PRKN: variants seen among roughly 807,000 people sequenced by gnomAD.
PRKN encodes the protein parkin RBR E3 ubiquitin protein ligase, also known as E3 ubiquitin-protein ligase parkin.
A neutral mutation model predicts 59.5 loss-of-function variants in PRKN; 56 were observed. That is an observed-to-expected ratio of 0.94 (90% CI 0.76 to 1.18). The LOEUF is 1.18. Among genes scored for constraint, PRKN ranks in the 50% most tolerant of loss-of-function variants. The pLI is 0.00. For synonymous variants in PRKN, 250 were observed against 222.1 expected, an observed-to-expected ratio of 1.13 and a Z score of -1.12; for missense variants, 657 against 596.4, an observed-to-expected ratio of 1.10 and a Z score of -1.06.
chr6:162,360,397 T>A (rs566040456), intron 2 of PRKN, among the ~76,000 whole-genome samples: 2 of 152,302 alleles, frequency 1.3e-5, no homozygotes, highest in South Asian at 2.1e-4. Context: ...TCAGTTTCCT[T>A]TTAAAATAAG....
At chr6:162,644,527 A>C (rs80180366) in intron 1 of PRKN, among the ~76,000 whole-genome samples, 12,266 of 152,168 alleles carry the variant, frequency 0.081, 674 homozygotes, top group East Asian at 0.3. Context: ...GCCTTTTCCC[A>C]AAGCCTTAAC....
intron 2 of PRKN, among the ~76,000 whole-genome samples, chr6:162,325,125 A>C (rs1368803664): frequency 2.4e-5 from 2 of 83,432 alleles, no homozygotes; most frequent in East Asian, 5.1e-4. Flanking sequence ...AAATGTTTTC[A>C]ACAACTTTAT....
intron 1 of PRKN, among the ~76,000 whole-genome samples, chr6:162,536,583 C>A (rs1214324268): frequency 7.6e-6 from 1 of 131,478 alleles, no homozygotes; most frequent in Non-Finnish European, 1.7e-5. Flanking sequence ...ATCTCACCTA[C>A]CTACCTACTC....
At chr6:162,386,750 CAGAT>C (rs1786840272) in intron 2 of PRKN, among the ~76,000 whole-genome samples, 2 of 152,182 alleles carry the variant, frequency 1.3e-5, no homozygotes, top group Admixed American at 1.3e-4. Context: ...CAGATGAACA[CAGAT>C]GGAGAAAGAA....
At chr6:161,923,249 A>G (rs1778848261) in intron 6 of PRKN, among the ~76,000 whole-genome samples, 1 of 152,170 alleles carries the variant, frequency 6.6e-6, no homozygotes, top group Non-Finnish European at 1.5e-5. Flanking sequence ...TTGGGAGGCT[A>G]AGTGGGGCAG....
intron 9 of PRKN, among the ~76,000 whole-genome samples, chr6:161,532,369 G>A (rs1309502175): frequency 6.6e-6 from 1 of 151,912 alleles, no homozygotes; most frequent in African/African-American, 2.4e-5. Flanking sequence ...GATCTAGTTT[G>A]TGAAGCAGGA....
chr6:161,981,527 A>C (rs1193016503), intron 5 of PRKN, among the ~76,000 whole-genome samples: 1 of 152,118 alleles, frequency 6.6e-6, no homozygotes, highest in Non-Finnish European at 1.5e-5. Flanking sequence ...AAACAAACAG[A>C]AACTCCACAA....
intron 9 of PRKN, among the ~76,000 whole-genome samples, chr6:161,441,763 C>T (rs551407067): frequency 2.0e-5 from 3 of 152,296 alleles, no homozygotes; most frequent in South Asian, 4.1e-4. Context: ...GCCAAGGCAT[C>T]CCAGGGGCCT....
chr6:161,951,775 A>G (rs925840952), intron 6 of PRKN, among the ~76,000 whole-genome samples: 14 of 152,170 alleles, frequency 9.2e-5, no homozygotes, highest in Middle Eastern at 3.4e-3. Context: ...AAGTTACCTT[A>G]GCTAGGCATG....
chr6:161,797,182 G>A (rs895380452), intron 6 of PRKN, among the ~76,000 whole-genome samples: 1 of 152,082 alleles, frequency 6.6e-6, no homozygotes, highest in African/African-American at 2.4e-5. Flanking sequence ...TTGTGTACCG[G>A]TTTTTCATTC....
intron 1 of PRKN, among the ~76,000 whole-genome samples, chr6:162,629,831 T>C (rs1783037887): frequency 6.6e-6 from 1 of 152,208 alleles, no homozygotes; most frequent in Admixed American, 6.5e-5. Flanking sequence ...ATAATTATTA[T>C]GTTTTAAAAG....
At chr6:162,454,754 C>A (rs1028518036) in intron 1 of PRKN, among the ~76,000 whole-genome samples, 8 of 152,186 alleles carry the variant, frequency 5.3e-5, no homozygotes, top group Non-Finnish European at 1.2e-4. Context: ...CCTTCGAAAT[C>A]AACATTCTCC....
chr6:161,916,772 C>T (rs1299773572), intron 6 of PRKN, among the ~76,000 whole-genome samples: 4 of 152,094 alleles, frequency 2.6e-5, no homozygotes, highest in Admixed American at 2.0e-4. Context: ...ACATAGACGA[C>T]GTTAGTCTTT....
chr6:161,624,081 T>C (rs1426066800), intron 7 of PRKN, among the ~76,000 whole-genome samples: 1 of 152,214 alleles, frequency 6.6e-6, no homozygotes, highest in Non-Finnish European at 1.5e-5. Flanking sequence ...TTATACTCTT[T>C]CCTCTTGACA....
At chr6:162,125,167 C>T (rs573003115) in intron 4 of PRKN, among the ~76,000 whole-genome samples, 4 of 152,250 alleles carry the variant, frequency 2.6e-5, no homozygotes, top group African/African-American at 4.8e-5. Context: ...AACATAGAAA[C>T]GGGAAAAACG....
chr6:162,472,952 G>C (rs1791831839), intron 1 of PRKN, among the ~76,000 whole-genome samples: 1 of 151,622 alleles, frequency 6.6e-6, no homozygotes, highest in African/African-American at 2.4e-5. Context: ...TTTGGAATTT[G>C]GTGACTTGGC....
chr6:162,658,143 T>C (rs544799211), intron 1 of PRKN, among the ~76,000 whole-genome samples: 1 of 152,266 alleles, frequency 6.6e-6, no homozygotes, highest in East Asian at 1.9e-4. Context: ...CTGCATTGCA[T>C]TGGTGCCACA....
intron 6 of PRKN, among the ~76,000 whole-genome samples, chr6:161,836,936 C>T (rs1792780735): frequency 6.6e-6 from 1 of 152,176 alleles, no homozygotes; most frequent in Non-Finnish European, 1.5e-5. Flanking sequence ...CATCAGTTTG[C>T]ATTTGGCTCA....
At chr6:161,715,993 T>A (rs1307390737) in intron 7 of PRKN, 1 of 683,210 alleles carries the variant, frequency 1.5e-6, no homozygotes, top group South Asian at 1.4e-5. Flanking sequence ...TGGGGCCCTG[T>A]GATCTATATT....
Sources: allele counts gnomAD v4.1 joint callset (sites outside exome capture counted in the v4.1 genomes callset), GRCh38; gene constraint gnomAD v4.1.1; transcripts MANE v1.5; gene names NCBI Gene and HGNC (gene_info 2026-07-23, HGNC 2026-07-21).